The following SNX6 variants were observed in gnomAD, a reference collection of about 807,000 sequenced individuals.
The protein encoded by SNX6 is sorting nexin-6.
In SNX6, 34 loss-of-function variants were observed where a neutral mutation model predicts 63.0. The ratio of observed to expected loss-of-function variants is 0.54; its 90% CI spans 0.41 to 0.72. The LOEUF is 0.72. Among genes scored for constraint, SNX6 ranks in the 30% least tolerant of loss-of-function variants. The probability of loss-of-function intolerance (pLI) is 0.00; values close to 1 mark genes in which losing one functional copy is unlikely to be tolerated. For synonymous variants in SNX6, 170 were observed against 164.2 expected, an observed-to-expected ratio of 1.04 and a Z score of -0.27; for missense variants, 398 against 471.4, an observed-to-expected ratio of 0.84 and a Z score of 1.44.
At chr14:34,600,773 C>A (rs1882779928) in intron 6 of SNX6, among the ~76,000 whole-genome samples, 1 of 152,088 alleles carries the variant, frequency 6.6e-6, no homozygotes, top group South Asian at 2.1e-4. Context: ...CATGGTGGCT[C>A]ACACCTGTAA....
At chr14:34,607,199 C>T (rs1478093249) in intron 4 of SNX6, among the ~76,000 whole-genome samples, 2 of 152,136 alleles carry the variant, frequency 1.3e-5, no homozygotes, top group African/African-American at 4.8e-5. Context: ...ACATACCCCA[C>T]ATCCCCTAAG....
chr14:34,576,049 G>A (rs974918708), intron 10 of SNX6, among the ~76,000 whole-genome samples: 3 of 150,732 alleles, frequency 2.0e-5, no homozygotes, highest in Non-Finnish European at 4.4e-5. Flanking sequence ...TCAGCCTCCC[G>A]AGCAGCTGGG....
chr14:34,562,560 T>C lies in SNX6; in HGVS notation c.*562A>G, dbSNP rs1880975225. The C allele has an allele frequency of 6.6e-6, 1 of 152,670 alleles. No homozygotes were observed. The highest frequency in any genetic ancestry group is 1.5e-5 in the Non-Finnish European group (1 of 68,064). The allele number at this position is 152,670 out of a possible 1,614,324, so 9.5% of individuals were successfully genotyped here. On this transcript the variant is annotated 3_prime_UTR_variant, in exon 14 of 14. Transcript: ENST00000362031. The stretch of plus-strand genomic sequence containing the variant: ...AGGCAAACATACTAATGCATTTGCT[T>C]TTCTTCAGAAATCATACTTATAAAG...
At chr14:34,593,014 G>T in intron 8 of SNX6, 31 bp downstream of exon 8, 3 of 1,353,212 alleles carry the variant, frequency 2.2e-6, no homozygotes, top group Non-Finnish European at 3.1e-6. Flanking sequence ...TCCATTAAAA[G>T]ATATAAGCTT....
At chr14:34,599,592 A>G (rs1187969530) in intron 6 of SNX6, among the ~76,000 whole-genome samples, 4 of 150,044 alleles carry the variant, frequency 2.7e-5, no homozygotes, top group African/African-American at 4.9e-5. Flanking sequence ...GGACAACAAG[A>G]GCGAAACTCT....
At chr14:34,614,942 T>C (rs539364336) in intron 2 of SNX6, among the ~76,000 whole-genome samples, 1 of 152,178 alleles carries the variant, frequency 6.6e-6, no homozygotes, top group South Asian at 2.1e-4. Flanking sequence ...ACTTTTGCTT[T>C]CAGATTTTTT....
intron 9 of SNX6, among the ~76,000 whole-genome samples, chr14:34,585,688 C>G (rs562110993): frequency 2.1e-4 from 32 of 152,030 alleles, no homozygotes; most frequent in Non-Finnish European, 4.6e-4. Flanking sequence ...CTCCGCCTCC[C>G]GGGTTCAAGT....
At chr14:34,583,874 T>C (rs1882045992) in intron 9 of SNX6, among the ~76,000 whole-genome samples, 1 of 144,358 alleles carries the variant, frequency 6.9e-6, no homozygotes. Flanking sequence ...TAAGACGGAG[T>C]TTCTCTCTTG....
intron 9 of SNX6, among the ~76,000 whole-genome samples, chr14:34,585,268 C>T (rs925549606): frequency 4.6e-5 from 7 of 151,966 alleles, no homozygotes; most frequent in African/African-American, 1.7e-4. Flanking sequence ...GGCTGTAATC[C>T]CAGCACTTTG....
intron 7 of SNX6, among the ~76,000 whole-genome samples, chr14:34,595,291 C>A (rs1317524591): frequency 6.6e-6 from 1 of 151,998 alleles, no homozygotes; most frequent in Admixed American, 6.6e-5. Context: ...CCACGTGCCA[C>A]CATGCCTGGC....
intron 6 of SNX6, among the ~76,000 whole-genome samples, chr14:34,601,804 A>G (rs1479243404): frequency 6.7e-6 from 1 of 149,954 alleles, no homozygotes; most frequent in Non-Finnish European, 1.5e-5. Flanking sequence ...CATGTTGGCC[A>G]GGCTCGTCTC....
intron 13 of SNX6, among the ~76,000 whole-genome samples, chr14:34,564,539 A>G (rs1371858570): frequency 1.3e-5 from 2 of 152,148 alleles, no homozygotes; most frequent in South Asian, 2.1e-4. Context: ...GAAAAAGTAT[A>G]GAATCTGGCC....
Position 34,607,004 on chromosome 14 carries a change from T to C in SNX6, c.270+1026A>G, listed in dbSNP as rs1304884611. 4.0e-5 allele frequency among the ~76,000 whole-genome samples: 6 copies of C among 150,494 alleles called. No individual in the cohort carries two copies. In the East Asian group the frequency reaches 1.0e-3, roughly 26 times the overall value. On this transcript the variant is annotated intron_variant, in intron 4 of 13. Coordinates refer to ENST00000362031, the MANE Select transcript of SNX6 (RefSeq NM_152233.4). Reference sequence around the variant, plus strand: ...CATCTTGGCCAGGCTGGTCTTGAACTCCTGACCTCATGATCCACCCGCCTC... The same window carrying C: ...CATCTTGGCCAGGCTGGTCTTGAACCCCTGACCTCATGATCCACCCGCCTC...
intron 9 of SNX6, among the ~76,000 whole-genome samples, chr14:34,586,022 C>A (rs1356984953): frequency 6.6e-6 from 1 of 152,114 alleles, no homozygotes; most frequent in Non-Finnish European, 1.5e-5. Context: ...CCTGCCTCAG[C>A]CTCCTGAGTA....
chr14:34,615,670 G>A (rs1020692785), intron 2 of SNX6, among the ~76,000 whole-genome samples: 1 of 151,944 alleles, frequency 6.6e-6, no homozygotes, highest in Non-Finnish European at 1.5e-5. Context: ...CTGGAGTGCA[G>A]CGGTGCAATC....
intron 2 of SNX6, among the ~76,000 whole-genome samples, chr14:34,623,423 G>C (rs1883702272): frequency 6.6e-6 from 1 of 152,114 alleles, no homozygotes; most frequent in Non-Finnish European, 1.5e-5. Context: ...GTTAGCCTAA[G>C]GAGTTTGGAC....
intron 8 of SNX6, among the ~76,000 whole-genome samples, chr14:34,592,584 C>G (rs1842296692): frequency 6.6e-6 from 1 of 152,142 alleles, no homozygotes; most frequent in Admixed American, 6.6e-5. Flanking sequence ...GCTGTCTAGA[C>G]AGTCTCACTC....
intron 10 of SNX6, among the ~76,000 whole-genome samples, chr14:34,576,689 T>A (rs1192563954): frequency 6.6e-6 from 1 of 151,592 alleles, no homozygotes; most frequent in Non-Finnish European, 1.5e-5. Context: ...CCTCAAATGA[T>A]CCTCCTGCCT....
chr14:34,577,068 C>CA (rs982411763), intron 10 of SNX6, among the ~76,000 whole-genome samples: 11 of 150,832 alleles, frequency 7.3e-5, no homozygotes, highest in Admixed American at 2.0e-4. Flanking sequence ...AAAAACAAAA[C>CA]AAAAAAAAAC....
Sources: allele counts gnomAD v4.1 joint callset (sites outside exome capture counted in the v4.1 genomes callset), GRCh38; gene constraint gnomAD v4.1.1; transcripts MANE v1.5; gene names NCBI Gene and HGNC (gene_info 2026-07-23, HGNC 2026-07-21).